The following DYNC2H1 variants were observed in gnomAD, a reference collection of about 807,000 sequenced individuals.
DYNC2H1 encodes cytoplasmic dynein 2 heavy chain 1.
A neutral mutation model predicts 570.0 loss-of-function variants in DYNC2H1; 410 were observed. The observed-to-expected ratio is 0.72, with a 90% confidence interval of 0.66 to 0.78. DYNC2H1 has a LOEUF of 0.78. DYNC2H1 is among the 30% of genes least tolerant of loss of function. The probability of loss-of-function intolerance (pLI) is 0.00; values close to 1 mark genes in which losing one functional copy is unlikely to be tolerated. For synonymous variants in DYNC2H1, 1,688 were observed against 1,677.6 expected, an observed-to-expected ratio of 1.01 and a Z score of -0.15; for missense variants, 4,865 against 5,046.4, an observed-to-expected ratio of 0.96 and a Z score of 1.09.
chr11:103,337,955 G>T (rs1939234900), intron 82 of DYNC2H1, among the ~76,000 whole-genome samples: 1 of 152,156 alleles, frequency 6.6e-6, no homozygotes, highest in African/African-American at 2.4e-5. Flanking sequence ...TCTTTGTCCA[G>T]ATTAGTGTCC....
In DYNC2H1 at chr11:103,136,930, A is replaced by G. The variant is rs1275531898; in HGVS notation, c.2574+982A>G. 4.0e-5 allele frequency among the ~76,000 whole-genome samples: 6 copies of G among 151,614 alleles called. No individual in the cohort carries two copies. In the South Asian group the frequency reaches 1.3e-3, roughly 32 times the overall value. On this transcript the variant is annotated intron_variant, in intron 17 of 88. Transcript: ENST00000375735. Reference sequence around the variant, plus strand: ...AATGATTGCCATTCTAACTGGTGTGAGATGGTATCTCATTGTGGTTTTGAT... The same window carrying G: ...AATGATTGCCATTCTAACTGGTGTGGGATGGTATCTCATTGTGGTTTTGAT...
At chr11:103,293,119 T>G (rs1442818088) in intron 75 of DYNC2H1, among the ~76,000 whole-genome samples, 2 of 152,218 alleles carry the variant, frequency 1.3e-5, no homozygotes, top group Non-Finnish European at 2.9e-5. Context: ...TGGTGACATT[T>G]TTTAGCTTTT....
chr11:103,220,632 A>C lies in DYNC2H1; in HGVS notation c.8956A>C (p.Asn2986His). The change falls in exon 57 of 89, where the codon AAT becomes CAT. Residue 2986 changes from asparagine (N) to histidine (H), a missense_variant. Coordinates refer to ENST00000375735, the MANE Select transcript of DYNC2H1 (RefSeq NM_001377.3). Reference sequence around the variant, plus strand: ...CCTTTTTCTCTTTTAGCCTTTAGTCAATGAAGCTAAACTAGCAGTTGGAAA... The same window carrying C: ...CCTTTTTCTCTTTTAGCCTTTAGTCCATGAAGCTAAACTAGCAGTTGGAAA... The part of the protein sequence containing the change: ...DELKEVQPLV[N>H]EAKLAVGNIK... 1 of 1,605,604 alleles carries C rather than the reference A, an allele frequency of 6.2e-7. No homozygotes were observed. The highest frequency in any genetic ancestry group is 8.5e-7 in the Non-Finnish European group (1 of 1,176,430).
intron 50 of DYNC2H1, 24 bp downstream of exon 50, chr11:103,200,178 A>G (rs1862663079): frequency 7.0e-7 from 1 of 1,430,356 alleles, no homozygotes; most frequent in African/African-American, 1.5e-5. Flanking sequence ...TTCTTTTCGA[A>G]GAAAATAAAA....
At chr11:103,259,709 G>A (rs1204874211) in intron 69 of DYNC2H1, among the ~76,000 whole-genome samples, 179 bp from the exon 70 acceptor site, 2 of 152,088 alleles carry the variant, frequency 1.3e-5, no homozygotes, top group Non-Finnish European at 2.9e-5. Flanking sequence ...ATTAAAGAAA[G>A]ATGCGTCATT....
chr11:103,424,944 T>A (rs1780093608), intron 84 of DYNC2H1, among the ~76,000 whole-genome samples: 2 of 152,198 alleles, frequency 1.3e-5, no homozygotes, highest in Admixed American at 6.5e-5. Flanking sequence ...ATTTCTTGTT[T>A]TGTTTTGTAG....
At chr11:103,443,471 G>A (rs1035116349) in intron 85 of DYNC2H1, among the ~76,000 whole-genome samples, 1 of 151,794 alleles carries the variant, frequency 6.6e-6, no homozygotes, top group Non-Finnish European at 1.5e-5. Flanking sequence ...AGACTATTGA[G>A]TGTTTGGCTT....
intron 83 of DYNC2H1, 31 bp downstream of exon 83, chr11:103,358,390 T>C: frequency 6.9e-7 from 1 of 1,442,670 alleles, no homozygotes; most frequent in East Asian, 2.5e-5. Flanking sequence ...CTGATTCTTT[T>C]GCTTTTTCTC....
chr11:103,186,431 T>G lies in DYNC2H1; in HGVS notation c.6823T>G (p.Phe2275Val). 6.2e-7 allele frequency: 1 copy of G among 1,612,740 alleles called. No homozygotes were observed. Among genetic ancestry groups the G allele is most frequent in the Non-Finnish European group, 8.5e-7 (1 of 1,179,162 alleles). ...TPDMQRGLDY[F>V]KPWLSSDTKQ... ...TGACATGCAACGAGGTCTAGATTAT[T>G]TCAAACCATGGTTAAGTTCTGATAC... is the stretch of plus-strand genomic sequence containing the variant. The change falls in exon 42 of 89, where the codon TTC becomes GTC. Residue 2275 changes from phenylalanine to valine, a missense_variant. Physicochemically the swap from Phe to Val is conservative, Grantham distance 50 (BLOSUM62 -1). Coordinates refer to ENST00000375735, the MANE Select transcript of DYNC2H1 (RefSeq NM_001377.3). This position sits in a 1 kb window ranked among gnomAD's most constrained non-coding sequence, Gnocchi z 4.5.
intron 84 of DYNC2H1, among the ~76,000 whole-genome samples, chr11:103,414,094 A>G (rs963265340): frequency 5.9e-5 from 9 of 152,196 alleles, no homozygotes; most frequent in Admixed American, 3.3e-4. Flanking sequence ...TGAAAGTACC[A>G]AAGAGGTATG....
chr11:103,287,124 A>C (rs1047350498), intron 74 of DYNC2H1, among the ~76,000 whole-genome samples: 50 of 151,974 alleles, frequency 3.3e-4, no homozygotes, highest in Admixed American at 2.0e-3. Context: ...CCTGGGTGAC[A>C]GGGCAAGATG....
At position 103,239,738 on chromosome 11, in the gene DYNC2H1, C is replaced by T. The variant is rs187311526; in HGVS notation, c.9819+3199C>T. Among the ~76,000 whole-genome samples, 1 of 151,436 alleles carries T rather than the reference C, an allele frequency of 6.6e-6. No individual in the cohort carries two copies. The highest frequency in any genetic ancestry group is 2.4e-5 in the African/African-American group (1 of 41,152). On this transcript the variant is annotated intron_variant, in intron 63 of 88. Transcript: ENST00000375735. This position sits in a 1 kb window ranked among gnomAD's most constrained non-coding sequence, Gnocchi z 4.3. ...TCTCCTTAGTGAATCAAGAGTTAGGCTTTAGTTTTATTTATAAAATGTTTT... is the reference window on the plus strand; with the variant it reads ...TCTCCTTAGTGAATCAAGAGTTAGGTTTTAGTTTTATTTATAAAATGTTTT...
Position 103,121,051 on chromosome 11 carries a change from G to T in DYNC2H1, c.1360+15G>T. ...CTCAATTAAAGGTAAAAGTTTATGA[G>T]ATTATAGTGTTTGCTTGAGAGAATA... On this transcript the variant is annotated intron_variant, in intron 9 of 88. Transcript: ENST00000375735. 2 of 1,458,214 alleles carry T rather than the reference G, an allele frequency of 1.4e-6. No homozygotes were observed. Among genetic ancestry groups the T allele is most frequent in the South Asian group, 2.9e-5 (2 of 69,716 alleles). The allele number at this position is 1,458,214 out of a possible 1,614,324, so 90.3% of individuals were successfully genotyped here.
intron 54 of DYNC2H1, among the ~76,000 whole-genome samples, chr11:103,213,455 C>CT (rs886093690): frequency 1.1e-4 from 16 of 151,266 alleles, no homozygotes; most frequent in South Asian, 2.1e-4. Context: ...TTCTATGATG[C>CT]TTTTTTTTAA....
rs552557549 is a variant in DYNC2H1, at chr11:103,395,120, C to T, written c.12157-4543C>T. On this transcript the variant is annotated intron_variant, in intron 83 of 88. Transcript: ENST00000375735. The surrounding 1 kb of genome is among the most constrained non-coding windows in gnomAD (Gnocchi z 4.3). ...TATGTAATATTTTGACCTTTCTGAT[C>T]GTAGATGCTTGGGAAAGTTGTCTGT... 6.6e-6 allele frequency among the ~76,000 whole-genome samples: 1 copy of T among 152,010 alleles called. No homozygotes were observed. Among genetic ancestry groups the T allele is most frequent in the Non-Finnish European group, 1.5e-5 (1 of 68,000 alleles).
At chr11:103,362,078 A>G (rs1481470276) in intron 83 of DYNC2H1, among the ~76,000 whole-genome samples, 1 of 152,102 alleles carries the variant, frequency 6.6e-6, no homozygotes, top group African/African-American at 2.4e-5. Flanking sequence ...GTGCTTATAA[A>G]GGAGAGTAGT....
rs373977008 is a variant in DYNC2H1 at position 103,109,607 on chromosome 11, C to G, written c.33C>G (p.Leu11=). 4.3e-6 allele frequency: 7 copies of G among 1,613,844 alleles called. No individual in the cohort carries two copies. Among genetic ancestry groups the G allele is most frequent in the Non-Finnish European group, 5.9e-6 (7 of 1,179,886 alleles). MANGTADVRK[L]FIFTTTQNYF... Reference sequence around the variant, plus strand: ...ACGGGACTGCGGACGTTCGGAAGCTCTTCATCTTCACTACTACCCAGAATT... The same window carrying G: ...ACGGGACTGCGGACGTTCGGAAGCTGTTCATCTTCACTACTACCCAGAATT... The change falls in exon 1 of 89, where the codon CTC becomes CTG. Residue 11 remains leucine, a synonymous_variant. Transcript: ENST00000375735.
rs1158061158 is a variant in DYNC2H1, at chr11:103,166,000, G to A, written c.4714G>A (p.Glu1572Lys). ...QIETQLVNKL[E>K]QYTNIDTSSE... ...TGAAACACAACTGGTGAATAAGTTAGAGCAATATACTAACATTGATACAAG... is the reference window on the plus strand; with the variant it reads ...TGAAACACAACTGGTGAATAAGTTAAAGCAATATACTAACATTGATACAAG... Residue 1572 changes from glutamate to lysine, a missense_variant, in exon 31 of 89, where the codon GAG becomes AAG. Glu to Lys is a moderately conservative substitution (Grantham distance 56). Transcript: ENST00000375735. The A allele has an allele frequency of 1.3e-6, 2 of 1,536,516 alleles. No individual in the cohort carries two copies. Among genetic ancestry groups the A allele is most frequent in the African/African-American group, 1.4e-5 (1 of 72,534 alleles).
chr11:103,398,163 T>C (rs1310922864), intron 83 of DYNC2H1, among the ~76,000 whole-genome samples: 1 of 152,180 alleles, frequency 6.6e-6, no homozygotes, highest in Non-Finnish European at 1.5e-5. Context: ...TGTTTTAATA[T>C]AAAGGATTAC....
Sources: gnomAD v4.1 joint callset for allele counts (sites outside exome capture counted in the v4.1 genomes callset) on GRCh38, gnomAD v4.1.1 for gene constraint, Gnocchi (gnomAD v3.1) non-coding constraint, MANE v1.5 for transcripts, NCBI Gene and HGNC (gene_info 2026-07-23, HGNC 2026-07-21) for gene names.